Variants in LAMC2 observed in about 807,000 individuals in gnomAD.
The protein encoded by LAMC2 is laminin subunit gamma-2.
In LAMC2, 97 loss-of-function variants were observed where a neutral mutation model predicts 140.2. The ratio of observed to expected loss-of-function variants is 0.69; its 90% CI spans 0.59 to 0.82. The LOEUF (loss-of-function observed/expected upper bound fraction) is 0.82, where lower values mean the gene tolerates loss of function less well. Among genes scored for constraint, LAMC2 ranks in the 40% least tolerant of loss-of-function variants. LAMC2 has a pLI of 0.00. For synonymous variants in LAMC2, 513 were observed against 540.2 expected (o/e 0.95, Z 0.70); for missense variants, 1,402 against 1,476.1 (o/e 0.95, Z 0.82).
chr1:183,188,835 T>C (rs1032068342), intron 1 of LAMC2, among the ~76,000 whole-genome samples: 2 of 152,086 alleles, frequency 1.3e-5, no homozygotes, highest in African/African-American at 2.4e-5. Flanking sequence ...TGGAGAAGGA[T>C]TGAGAAAGAG....
At chr1:183,212,111 C>A (rs565154286) in intron 2 of LAMC2, among the ~76,000 whole-genome samples, 16 of 152,230 alleles carry the variant, frequency 1.1e-4, no homozygotes, top group African/African-American at 3.6e-4. Flanking sequence ...CTTCTTCCCC[C>A]ACTTTATTAA....
chr1:183,202,376 A>T (rs2102185718), intron 1 of LAMC2, among the ~76,000 whole-genome samples: 1 of 152,316 alleles, frequency 6.6e-6, no homozygotes, highest in East Asian at 1.9e-4. Flanking sequence ...ATAAATATAC[A>T]TCTCATTGAC....
At chr1:183,233,784 T>A (rs1475134708) in intron 14 of LAMC2, among the ~76,000 whole-genome samples, 1 of 149,810 alleles carries the variant, frequency 6.7e-6, no homozygotes, top group Admixed American at 6.7e-5. Context: ...TACTTTGTTG[T>A]TGTTTTGGAT....
the LAMC2 span, among the ~76,000 whole-genome samples, chr1:183,257,791 T>G: frequency 2.6e-5 from 4 of 152,202 alleles, no homozygotes; most frequent in African/African-American, 7.2e-5. Context: ...ATTTTGTTTT[T>G]TTTTTTCAAA....
intron 2 of LAMC2, among the ~76,000 whole-genome samples, chr1:183,208,980 G>GTT (rs1420037809): frequency 1.4e-5 from 2 of 139,112 alleles, no homozygotes; most frequent in African/African-American, 5.7e-5. Context: ...CGCCTGGCTA[G>GTT]TTGTTTTTTT....
chr1:183,209,274 A>G (rs1237142919), intron 2 of LAMC2, among the ~76,000 whole-genome samples: 2 of 152,172 alleles, frequency 1.3e-5, no homozygotes, highest in Non-Finnish European at 2.9e-5. Flanking sequence ...GCCTTATTGC[A>G]TGGCAATGAC....
intron 1 of LAMC2, among the ~76,000 whole-genome samples, chr1:183,189,154 G>C (rs1658245453): frequency 6.6e-6 from 1 of 152,158 alleles, no homozygotes; most frequent in Non-Finnish European, 1.5e-5. Flanking sequence ...GAAATCTAAA[G>C]AATGTGGTGA....
chr1:183,211,194 G>T (rs936810668), intron 2 of LAMC2, among the ~76,000 whole-genome samples: 1 of 152,108 alleles, frequency 6.6e-6, no homozygotes, highest in African/African-American at 2.4e-5. Flanking sequence ...TCAGCAACAG[G>T]GCTGAGTTAC....
the LAMC2 span, chr1:183,250,497 C>A: frequency 6.6e-6 from 1 of 152,542 alleles, no homozygotes; most frequent in African/African-American, 2.4e-5. Flanking sequence ...ATCATATGGG[C>A]ACCTGGTCAG....
intron 1 of LAMC2, among the ~76,000 whole-genome samples, chr1:183,195,025 A>G (rs929157582): frequency 2.0e-5 from 3 of 152,132 alleles, no homozygotes; most frequent in East Asian, 3.9e-4. Context: ...CTATAACTCT[A>G]ATGTCCTCAG....
At chr1:183,197,804 T>A (rs1431295638) in intron 1 of LAMC2, among the ~76,000 whole-genome samples, 1 of 151,660 alleles carries the variant, frequency 6.6e-6, no homozygotes, top group Non-Finnish European at 1.5e-5. Context: ...ACAATTACGG[T>A]GGTTATTGAA....
chr1:183,233,184 C>T (rs1338740550), intron 14 of LAMC2, among the ~76,000 whole-genome samples: 1 of 152,096 alleles, frequency 6.6e-6, no homozygotes, highest in African/African-American at 2.4e-5. Flanking sequence ...TTCATATTTA[C>T]TTTCTCAGCC....
Position 183,240,190 on chromosome 1 carries a change from G to T in LAMC2, c.3220G>T (p.Val1074Leu). 1 of 1,614,230 alleles carries T rather than the reference G, an allele frequency of 6.2e-7. No homozygotes were observed. The highest frequency in any genetic ancestry group is 8.5e-7 in the Non-Finnish European group (1 of 1,180,048). Reference sequence around the variant, plus strand: ...GGAGTTTGACACGAATATGGATGCAGTACAGATGGTGAGTTCCTGTTGCTT... The same window carrying T: ...GGAGTTTGACACGAATATGGATGCATTACAGATGGTGAGTTCCTGTTGCTT... ...ELEFDTNMDA[V>L]QMVITEAQKV... The change falls in exon 21 of 23, where the codon GTA becomes TTA. Residue 1074 changes from valine to leucine, a missense_variant. Coordinates refer to ENST00000264144, the MANE Select transcript of LAMC2 (RefSeq NM_005562.3).
In LAMC2 at chr1:183,221,677, C is replaced by T. The variant is rs549631721; in HGVS notation, c.641-412C>T. Among the ~76,000 whole-genome samples the T allele has an allele frequency of 1.1e-3, 159 of 150,800 alleles. 1 individual carries two copies. Among genetic ancestry groups the T allele is most frequent in the Admixed American group, 6.0e-3 (91 of 15,098 alleles). On this transcript the variant is annotated intron_variant, in intron 5 of 22. Transcript: ENST00000264144. ...CCGGGAGGCGGAGCTTGCAGTGAGCCGAGATCGCGCCACTGCACTCCAGCC... is the reference window on the plus strand; with the variant it reads ...CCGGGAGGCGGAGCTTGCAGTGAGCTGAGATCGCGCCACTGCACTCCAGCC...
At chr1:183,230,051 A>C (rs1659753510) in intron 11 of LAMC2, among the ~76,000 whole-genome samples, 1 of 152,230 alleles carries the variant, frequency 6.6e-6, no homozygotes, top group Non-Finnish European at 1.5e-5. Context: ...ACAAGAAAGC[A>C]CACTATAAAC....
Position 183,240,605 on chromosome 1 carries a change from C to T in LAMC2, c.3328+214C>T. The T allele has an allele frequency of 2.8e-6, 4 of 1,428,140 alleles. No homozygotes were observed. In the South Asian group the frequency reaches 4.6e-5, roughly 16 times the overall value. The allele number at this position is 1,428,140 out of a possible 1,614,324, so 88.5% of individuals were successfully genotyped here. A position where few individuals can be genotyped will look rare whatever the true frequency, so the allele number is the denominator to read the frequency against. On this transcript the variant is annotated intron_variant, in intron 22 of 22. Transcript: ENST00000264144. Reference sequence around the variant, plus strand: ...GTTGCTAAGATGGGTCACTGAACACCTATTGCACTTGGGGGTAAAGGTCTG... The same window carrying T: ...GTTGCTAAGATGGGTCACTGAACACTTATTGCACTTGGGGGTAAAGGTCTG...
intron 4 of LAMC2, among the ~76,000 whole-genome samples, chr1:183,220,092 GT>G (rs1318043173): frequency 5.3e-5 from 8 of 152,220 alleles, no homozygotes; most frequent in Non-Finnish European, 8.8e-5. Flanking sequence ...GTGGAAGGAT[GT>G]AGTTAACTTG....
At chr1:183,227,777 G>A (rs1659675308) in intron 10 of LAMC2, 80 bp downstream of exon 10, 3 of 1,286,870 alleles carry the variant, frequency 2.3e-6, no homozygotes, top group Non-Finnish European at 3.3e-6. Flanking sequence ...TCCATTCCGA[G>A]GAATTCCTAG....
At chr1:183,250,063 C>T (rs762500856), downstream of LAMC2, 1 of 152,194 alleles carries the variant, frequency 6.6e-6, no homozygotes, top group Non-Finnish European at 1.5e-5. Context: ...GAAATCGAGC[C>T]TTCCTCAGGT....
Sources: allele counts gnomAD v4.1 joint callset (sites outside exome capture counted in the v4.1 genomes callset), GRCh38; gene constraint gnomAD v4.1.1; transcripts MANE v1.5; gene names NCBI Gene and HGNC (gene_info 2026-07-23, HGNC 2026-07-21).